The following GFPT2 variants were observed in gnomAD, a reference collection of about 807,000 sequenced individuals.
GFPT2 encodes glutamine--fructose-6-phosphate aminotransferase [isomerizing] 2.
Under a neutral mutation model 85.6 loss-of-function variants are expected in GFPT2, and 62 were observed. The ratio of observed to expected loss-of-function variants is 0.72; its 90% CI spans 0.59 to 0.90. The LOEUF (loss-of-function observed/expected upper bound fraction) is 0.90, where lower values mean the gene tolerates loss of function less well. Ranked by LOEUF, GFPT2 falls within the 40% of genes least tolerant of loss-of-function variation. The pLI is 0.00. For missense variants in GFPT2, 788 were observed against 893.4 expected, an observed-to-expected ratio of 0.88 and a Z score of 1.50; for synonymous variants, 368 against 344.5, an observed-to-expected ratio of 1.07 and a Z score of -0.75.
intron 1 of GFPT2, among the ~76,000 whole-genome samples, chr5:180,346,400 C>T (rs2127658140): frequency 6.6e-6 from 1 of 152,322 alleles, no homozygotes; most frequent in East Asian, 1.9e-4. Context: ...GGTGCTGCCC[C>T]CTGAGAGCCA....
intron 4 of GFPT2, among the ~76,000 whole-genome samples, chr5:180,332,690 A>G (rs1764326744): frequency 6.6e-6 from 1 of 152,108 alleles, no homozygotes; most frequent in African/African-American, 2.4e-5. Flanking sequence ...GGTGCTCGCC[A>G]CCACACCCGG....
intron 4 of GFPT2, among the ~76,000 whole-genome samples, chr5:180,332,424 C>T (rs915600536): frequency 1.3e-5 from 2 of 152,206 alleles, no homozygotes; most frequent in Non-Finnish European, 2.9e-5. Context: ...GAAAGATTCC[C>T]TATTACCCTT....
At chr5:180,334,141 G>C (rs1011456986) in intron 4 of GFPT2, among the ~76,000 whole-genome samples, 1 of 152,158 alleles carries the variant, frequency 6.6e-6, no homozygotes, top group Non-Finnish European at 1.5e-5. Context: ...TATGGTTCAG[G>C]GCATGAGCCA....
chr5:180,336,158 T>C, intron 3 of GFPT2: 1 of 568,396 alleles, frequency 1.8e-6, no homozygotes, highest in Non-Finnish European at 3.1e-6. Flanking sequence ...AGCTCACTTC[T>C]TCACAGAAAT....
At chr5:180,333,239 C>CTT (rs11341578) in intron 4 of GFPT2, among the ~76,000 whole-genome samples, 3 of 148,014 alleles carry the variant, frequency 2.0e-5, no homozygotes, top group Non-Finnish European at 4.5e-5. Context: ...CTTTTTCTTT[C>CTT]TTTTTTTTTT....
At chr5:180,326,158 T>C (rs1764208394) in intron 7 of GFPT2, among the ~76,000 whole-genome samples, 1 of 152,192 alleles carries the variant, frequency 6.6e-6, no homozygotes, top group African/African-American at 2.4e-5. Context: ...TGCACAGAAA[T>C]AAGAGGCTCA....
intron 1 of GFPT2, among the ~76,000 whole-genome samples, chr5:180,345,490 C>T (rs889353092): frequency 6.6e-6 from 1 of 152,248 alleles, no homozygotes; most frequent in African/African-American, 2.4e-5. Flanking sequence ...GCAAGGCTGG[C>T]TCTTGCTAGC....
intron 16 of GFPT2, among the ~76,000 whole-genome samples, chr5:180,305,509 T>C (rs1446793592): frequency 6.6e-6 from 1 of 152,168 alleles, no homozygotes; most frequent in African/African-American, 2.4e-5. Flanking sequence ...GTCAAATAAA[T>C]CATCTCTCGA....
At chr5:180,336,382 C>T (rs924096164) in intron 3 of GFPT2, 97 bp downstream of exon 3, 2 of 793,350 alleles carry the variant, frequency 2.5e-6, no homozygotes, top group African/African-American at 3.4e-5. Context: ...TGAGCTGGGA[C>T]AAAGGAGAAT....
rs763580648 is a variant in GFPT2 at position 180,307,175 on chromosome 5, C to G, written c.1674+1G>C. The stretch of plus-strand genomic sequence containing the variant: ...GGTGGGGGCTGGGGGTGGGGGCTCA[C>G]CAGGGCTCCTTCCAGGCAGGTGGCA... On this transcript the variant is annotated splice_donor_variant, in intron 16 of 18. Coordinates refer to ENST00000253778, the MANE Select transcript of GFPT2 (RefSeq NM_005110.4). LOFTEE classifies it high-confidence loss of function. 2.6e-5 allele frequency: 41 copies of G among 1,563,728 alleles called. No homozygotes were observed.
At chr5:180,316,569 A>T (rs539059353) in intron 12 of GFPT2, 108 bp from the exon 13 acceptor site, 1 of 1,280,822 alleles carries the variant, frequency 7.8e-7, no homozygotes, top group Non-Finnish European at 1.1e-6. Context: ...CTCACTGTCC[A>T]GGTGGCGAGG....
Position 180,347,113 on chromosome 5 carries a change from C to A in GFPT2, c.7+6098G>T, listed in dbSNP as rs1485102453. On this transcript the variant is annotated intron_variant, in intron 1 of 18. Coordinates refer to ENST00000253778, the MANE Select transcript of GFPT2 (RefSeq NM_005110.4). ...CCCAGAGGGGCTGGACAGGGAGGTGCCTTCAGGTTCCCAAGAGCCTGCAGA... is the reference window on the plus strand; with the variant it reads ...CCCAGAGGGGCTGGACAGGGAGGTGACTTCAGGTTCCCAAGAGCCTGCAGA... Among the ~76,000 whole-genome samples, 4 of 152,212 alleles carry A rather than the reference C, an allele frequency of 2.6e-5. No individual in the cohort carries two copies. The South Asian group carries it at 8.3e-4, about 32-fold the overall frequency.
intron 14 of GFPT2, among the ~76,000 whole-genome samples, chr5:180,313,234 A>G (rs1763929668): frequency 6.6e-6 from 1 of 152,100 alleles, no homozygotes; most frequent in Admixed American, 6.5e-5. Flanking sequence ...CAAGGTGCTC[A>G]AAGAGCCACA....
In GFPT2 at chr5:180,331,530, T is replaced by A. The variant is rs1316718677; in HGVS notation, c.364A>T (p.Ile122Phe). The change falls in exon 5 of 19, where the codon ATC becomes TTC. Residue 122 changes from isoleucine (I) to phenylalanine (F), a missense_variant. Ile to Phe is a conservative substitution (Grantham distance 21). Transcript: ENST00000253778. ...CTCAGATCTTTGTAATTTGTGATGATCCCATTGTGGATGACAACAAATTCT... is the reference window on the plus strand; with the variant it reads ...CTCAGATCTTTGTAATTTGTGATGAACCCATTGTGGATGACAACAAATTCT... ...GNEFVVIHNG[I>F]ITNYKDLRKF... 2 of 1,593,658 alleles carry A rather than the reference T, an allele frequency of 1.3e-6. No individual in the cohort carries two copies. The highest frequency in any genetic ancestry group is 1.7e-6 in the Non-Finnish European group (2 of 1,161,408).
Position 180,318,637 on chromosome 5 carries a change from C to T in GFPT2, c.958+156G>A. On this transcript the variant is annotated intron_variant, in intron 10 of 18. Coordinates refer to ENST00000253778, the MANE Select transcript of GFPT2 (RefSeq NM_005110.4). The surrounding 1 kb of genome is among the most constrained non-coding windows in gnomAD (Gnocchi z 4.2). ...CCAGGCCAGCCTCCCCACATCCCCT[C>T]ACCTGTGCAAGCCACAGGCTACCTG... The T allele has an allele frequency of 3.1e-6, 2 of 644,470 alleles. No homozygotes were observed. Among genetic ancestry groups the T allele is most frequent in the Non-Finnish European group, 5.4e-6 (2 of 369,776 alleles). The allele number at this position is 644,470 out of a possible 1,614,324, so 39.9% of individuals were successfully genotyped here. A position where few individuals can be genotyped will look rare whatever the true frequency, so the allele number is the denominator to read the frequency against.
At position 180,328,222 on chromosome 5, in the gene GFPT2, A is replaced by G; in HGVS notation, c.596+55T>C. 1 of 1,286,946 alleles carries G rather than the reference A, an allele frequency of 7.8e-7. No homozygotes were observed. The highest frequency in any genetic ancestry group is 1.1e-6 in the Non-Finnish European group (1 of 881,268). 79.7% of individuals were successfully genotyped at this position (1,286,946 alleles called of 1,614,324 possible). ...CTACCTCTCCCGTCTCCCTCCAGCTAAGTGATTTTATTTTCGTTCTTTCTT... is the reference window on the plus strand; with the variant it reads ...CTACCTCTCCCGTCTCCCTCCAGCTGAGTGATTTTATTTTCGTTCTTTCTT... On this transcript the variant is annotated intron_variant, in intron 7 of 18. Transcript: ENST00000253778. The surrounding 1 kb of genome is among the most constrained non-coding windows in gnomAD (Gnocchi z 5.4).
chr5:180,324,696 G>A, intron 8 of GFPT2, 120 bp downstream of exon 8: 2 of 738,560 alleles, frequency 2.7e-6, no homozygotes, highest in Non-Finnish European at 4.9e-6. Flanking sequence ...CTGTGCGCCT[G>A]TTGGGTCTGG....
rs1370026762 is a variant in GFPT2, at chr5:180,328,398, C to T, written c.535-60G>A. The T allele has an allele frequency of 7.3e-7, 1 of 1,373,382 alleles. No homozygotes were observed. The highest frequency in any genetic ancestry group is 1.0e-6 in the Non-Finnish European group (1 of 961,906). The allele number at this position is 1,373,382 out of a possible 1,614,324, so 85.1% of individuals were successfully genotyped here. Reference sequence around the variant, plus strand: ...CCAGCAGCCGCTGCTGCAGCCTGGCCACAGCCCAGGTGCGTCTCCCTGGGC... The same window carrying T: ...CCAGCAGCCGCTGCTGCAGCCTGGCTACAGCCCAGGTGCGTCTCCCTGGGC... On this transcript the variant is annotated intron_variant, in intron 6 of 18. Transcript: ENST00000253778. The surrounding 1 kb of genome is among the most constrained non-coding windows in gnomAD (Gnocchi z 5.4).
intron 1 of GFPT2, 71 bp from the exon 2 acceptor site, chr5:180,338,671 G>T: frequency 1.1e-6 from 1 of 900,350 alleles, no homozygotes. Flanking sequence ...CGCTTCTGGG[G>T]GATGCACCGA....
Sources: allele counts gnomAD v4.1 joint callset (sites outside exome capture counted in the v4.1 genomes callset), GRCh38; gene constraint gnomAD v4.1.1; non-coding constraint Gnocchi (gnomAD v3.1); transcripts MANE v1.5; gene names NCBI Gene and HGNC (gene_info 2026-07-23, HGNC 2026-07-21).